SNX29: variants seen among roughly 807,000 people sequenced by gnomAD.
SNX29 encodes sorting nexin 29.
In SNX29, 78 loss-of-function variants were observed where a neutral mutation model predicts 102.1. That is an observed-to-expected ratio of 0.76 (90% CI 0.64 to 0.92). The LOEUF is 0.92. SNX29 is among the 40% of genes least tolerant of loss of function. The pLI is 0.00. For synonymous variants in SNX29, 580 were observed against 414.5 expected (o/e 1.40, Z -4.85); for missense variants, 1,280 against 1,061.7 (o/e 1.21, Z -2.86).
chr16:12,251,790 T>C (rs2078430758), intron 14 of SNX29, among the ~76,000 whole-genome samples: 1 of 152,070 alleles, frequency 6.6e-6, no homozygotes, highest in Non-Finnish European at 1.5e-5. Context: ...GACAGTGTCT[T>C]GCTCTGTCAC....
chr16:12,381,374 A>C (rs1597163548), intron 16 of SNX29, among the ~76,000 whole-genome samples: 1 of 19,180 alleles, frequency 5.2e-5, no homozygotes, highest in African/African-American at 1.5e-4. Flanking sequence ...CCACCGACCC[A>C]TCATCCACCC....
chr16:12,554,149 T>C (rs867309906), intron 20 of SNX29, among the ~76,000 whole-genome samples: 1 of 152,246 alleles, frequency 6.6e-6, no homozygotes, highest in African/African-American at 2.4e-5. Context: ...CTCTTTACTG[T>C]GTTTAAGTAA....
At chr16:12,154,235 T>TA (rs1428089035) in intron 13 of SNX29, among the ~76,000 whole-genome samples, 1 of 152,190 alleles carries the variant, frequency 6.6e-6, no homozygotes, top group Non-Finnish European at 1.5e-5. Flanking sequence ...GTAGCAGGCT[T>TA]TCTGTAATTG....
chr16:12,324,406 C>A (rs923223802), intron 15 of SNX29, among the ~76,000 whole-genome samples: 3 of 151,916 alleles, frequency 2.0e-5, no homozygotes, highest in Admixed American at 6.5e-5. Flanking sequence ...TGTGGAAATG[C>A]TCTTGGCATT....
intron 20 of SNX29, among the ~76,000 whole-genome samples, chr16:12,553,723 G>A (rs551074101): frequency 6.6e-6 from 1 of 151,538 alleles, no homozygotes; most frequent in African/African-American, 2.4e-5. Context: ...ACGCAGCTGG[G>A]ATTATATGCA....
intron 20 of SNX29, among the ~76,000 whole-genome samples, chr16:12,531,553 A>T (rs529539280): frequency 5.1e-4 from 77 of 152,144 alleles, no homozygotes; most frequent in African/African-American, 1.8e-3. Flanking sequence ...CCTCATGGCA[A>T]GGGGGCAGCA....
At chr16:12,365,703 A>T (rs1597091877) in intron 16 of SNX29, among the ~76,000 whole-genome samples, 1 of 149,264 alleles carries the variant, frequency 6.7e-6, no homozygotes, top group Non-Finnish European at 1.5e-5. Context: ...AAAAAAAAAA[A>T]GGCTCTTTGG....
chr16:12,541,900 C>T (rs776858652), intron 20 of SNX29, among the ~76,000 whole-genome samples: 2 of 152,198 alleles, frequency 1.3e-5, no homozygotes, highest in South Asian at 2.1e-4. Context: ...GATGATGCAA[C>T]AGATGTTTTC....
intron 9 of SNX29, among the ~76,000 whole-genome samples, chr16:12,062,385 T>TAAAC (rs145592752): frequency 2.9e-5 from 4 of 138,238 alleles, no homozygotes; most frequent in Non-Finnish European, 6.2e-5. Flanking sequence ...TCAAAATAAA[T>TAAAC]AAATAAATAA....
chr16:12,163,316 G>A (rs2055872358), intron 13 of SNX29, among the ~76,000 whole-genome samples: 1 of 152,178 alleles, frequency 6.6e-6, no homozygotes, highest in Admixed American at 6.5e-5. Flanking sequence ...GGCTGATTAG[G>A]GGTTTGGCAG....
At chr16:12,552,090 C>T (rs768339125) in intron 20 of SNX29, among the ~76,000 whole-genome samples, 2 of 152,228 alleles carry the variant, frequency 1.3e-5, no homozygotes, top group African/African-American at 4.8e-5. Flanking sequence ...CTCAACTGTG[C>T]TATCCTCAGT....
intron 10 of SNX29, among the ~76,000 whole-genome samples, chr16:12,069,678 C>T (rs951254305): frequency 2.0e-5 from 3 of 151,804 alleles, no homozygotes; most frequent in Non-Finnish European, 4.4e-5. Context: ...TATCTGGGTG[C>T]CTCCTCTATT....
intron 11 of SNX29, among the ~76,000 whole-genome samples, chr16:12,080,692 CTTTT>C (rs34209588): frequency 3.7e-5 from 5 of 134,738 alleles, no homozygotes; most frequent in African/African-American, 1.1e-4. Flanking sequence ...CTACAGTTTA[CTTTT>C]TTTTTTTTTT....
chr16:12,378,364 T>C (rs1306136048), intron 16 of SNX29, among the ~76,000 whole-genome samples: 1 of 152,074 alleles, frequency 6.6e-6, no homozygotes, highest in Non-Finnish European at 1.5e-5. Context: ...GAGAAATAAA[T>C]AGAGGCCAGG....
At chr16:12,385,464 T>A (rs147020912) in intron 16 of SNX29, among the ~76,000 whole-genome samples, 226 of 152,266 alleles carry the variant, frequency 1.5e-3, no homozygotes, top group African/African-American at 5.2e-3. Context: ...TCTAGGGCTC[T>A]GAGAAGAGAC....
In SNX29 at chr16:12,572,889, G is replaced by T; in HGVS notation, c.*4260G>T. The stretch of plus-strand genomic sequence containing the variant: ...TAATGATTGTCTTGACTCTGCCTTG[G>T]CATTTCGCTCGGAATCACGGCAGAC... On this transcript the variant is annotated 3_prime_UTR_variant, in exon 21 of 21. Transcript: ENST00000566228. 4 of 1,051,430 alleles carry T rather than the reference G, an allele frequency of 3.8e-6. No individual in the cohort carries two copies. The highest frequency in any genetic ancestry group is 4.6e-6 in the Non-Finnish European group (4 of 867,216). The allele number at this position is 1,051,430 out of a possible 1,614,324, so 65.1% of individuals were successfully genotyped here.
chr16:12,086,917 G>C (rs920029043), intron 11 of SNX29: 1 of 152,146 alleles, frequency 6.6e-6, no homozygotes, highest in Admixed American at 6.6e-5. Flanking sequence ...GAGTAATGGA[G>C]GCTGACACAG....
At chr16:12,538,811 G>C (rs1003558038) in intron 20 of SNX29, among the ~76,000 whole-genome samples, 1 of 152,214 alleles carries the variant, frequency 6.6e-6, no homozygotes, top group Admixed American at 6.5e-5. Flanking sequence ...AGAAACCAGA[G>C]TCAGTGGGAG....
chr16:12,429,771 G>GTTT (rs2085237863), intron 18 of SNX29, among the ~76,000 whole-genome samples: 1 of 152,202 alleles, frequency 6.6e-6, no homozygotes, highest in Non-Finnish European at 1.5e-5. Context: ...CTTCAGGCTT[G>GTTT]TTTTGTATGT....
Sources: allele counts gnomAD v4.1 joint callset (sites outside exome capture counted in the v4.1 genomes callset), GRCh38; gene constraint gnomAD v4.1.1; transcripts MANE v1.5; gene names NCBI Gene and HGNC (gene_info 2026-07-23, HGNC 2026-07-21).